LARP1B: variants seen among roughly 807,000 people sequenced by gnomAD.
The protein encoded by LARP1B is la-related protein 1B.
A neutral mutation model predicts 114.2 loss-of-function variants in LARP1B; 76 were observed. The ratio of observed to expected loss-of-function variants is 0.67; its 90% confidence interval spans 0.55 to 0.81. The LOEUF (loss-of-function observed/expected upper bound fraction) is 0.81, where lower values mean the gene tolerates loss of function less well. Among genes scored for constraint, LARP1B ranks in the 30% least tolerant of loss-of-function variants. The pLI is 0.00. For synonymous variants in LARP1B, 345 were observed against 348.0 expected (o/e 0.99, Z 0.10); for missense variants, 1,014 against 1,075.8 (o/e 0.94, Z 0.80).
In LARP1B at chr4:128,114,655, A is replaced by G; in HGVS notation, c.1074A>G (p.Arg358=). 1 of 1,613,954 alleles carries G rather than the reference A, an allele frequency of 6.2e-7. No homozygotes were observed. ...CAAGTATTCTTCAAGCAATGTCTAG[A>G]GGTTTGTCTACCAGTTTGCCTGACT... The part of the protein sequence containing the change: ...SETSILQAMS[R]GLSTSLPDLD... The change falls in exon 10 of 20, where the codon AGA becomes AGG. Residue 358 remains arginine (R), a synonymous_variant. Transcript: ENST00000326639.
At chr4:128,084,229 G>A (rs1251054332) in intron 5 of LARP1B, among the ~76,000 whole-genome samples, 2 of 152,150 alleles carry the variant, frequency 1.3e-5, no homozygotes, top group African/African-American at 2.4e-5. Flanking sequence ...GGTGGCGGCC[G>A]GGCAGAGGCT....
chr4:128,207,702 C>T (rs1757966651), intron 19 of LARP1B, among the ~76,000 whole-genome samples: 2 of 152,168 alleles, frequency 1.3e-5, no homozygotes, highest in Non-Finnish European at 2.9e-5. Context: ...AATGTGAAAA[C>T]TTTTCACTTT....
chr4:128,088,203 A>AATG (rs35874685), intron 5 of LARP1B, among the ~76,000 whole-genome samples: 18,023 of 150,882 alleles, frequency 0.12, 2,692 homozygotes, highest in African/African-American at 0.35. Flanking sequence ...AATCAATAAT[A>AATG]ATGATGATGA....
At chr4:128,088,445 T>G (rs1774556959) in intron 5 of LARP1B, among the ~76,000 whole-genome samples, 1 of 152,144 alleles carries the variant, frequency 6.6e-6, no homozygotes, top group Non-Finnish European at 1.5e-5. Flanking sequence ...TTAATGCATG[T>G]TGGTTGTATT....
intron 1 of LARP1B, among the ~76,000 whole-genome samples, chr4:128,072,501 T>G (rs573743939): frequency 1.3e-5 from 2 of 152,152 alleles, no homozygotes; most frequent in Non-Finnish European, 2.9e-5. Flanking sequence ...TGTTAAAACA[T>G]GAGAAAATGA....
downstream of LARP1B, among the ~76,000 whole-genome samples, chr4:128,212,826 A>G (rs533206116): frequency 6.5e-4 from 98 of 151,826 alleles, no homozygotes; most frequent in Middle Eastern, 6.9e-3. Flanking sequence ...TTTTATCAAC[A>G]TCTGCTTCCC....
intron 11 of LARP1B, chr4:128,122,555 T>A (rs1788368205): frequency 6.6e-7 from 1 of 1,522,256 alleles, no homozygotes; most frequent in African/African-American, 1.4e-5. Context: ...TTAATTTATA[T>A]GCTCATTGCT....
At chr4:128,164,057 T>C (rs575564656) in intron 12 of LARP1B, among the ~76,000 whole-genome samples, 139 of 152,242 alleles carry the variant, frequency 9.1e-4, no homozygotes, top group African/African-American at 3.2e-3. Context: ...TTTAAGATTA[T>C]AGGTTTTAAT....
At chr4:128,102,565 C>T (rs898259781) in intron 8 of LARP1B, among the ~76,000 whole-genome samples, 2 of 152,142 alleles carry the variant, frequency 1.3e-5, no homozygotes, top group Non-Finnish European at 1.5e-5. Context: ...AGCTGATACC[C>T]GTATCTGCCC....
chr4:128,203,341 CCCT>C (rs1337971021), intron 17 of LARP1B, among the ~76,000 whole-genome samples: 24 of 139,396 alleles, frequency 1.7e-4, no homozygotes, highest in African/African-American at 6.2e-4. Context: ...CTCCCTCCCT[CCCT>C]CTTTTCTTTT....
intron 11 of LARP1B, among the ~76,000 whole-genome samples, chr4:128,127,965 A>G (rs1021495076): frequency 2.0e-5 from 3 of 152,236 alleles, no homozygotes; most frequent in Non-Finnish European, 2.9e-5. Context: ...TTCAGAGCCC[A>G]GAAATAAACA....
At chr4:128,127,554 C>T (rs1790039992) in intron 11 of LARP1B, among the ~76,000 whole-genome samples, 1 of 152,168 alleles carries the variant, frequency 6.6e-6, no homozygotes, top group Non-Finnish European at 1.5e-5. Context: ...AAAATTACGG[C>T]CGGGCACGGT....
chr4:128,065,261 C>A (rs59460414), intron 1 of LARP1B, among the ~76,000 whole-genome samples: 6,297 of 83,756 alleles, frequency 0.075, 213 homozygotes, highest in South Asian at 0.11. Context: ...TAATTTCTTT[C>A]TTTCTTTCTT....
intron 11 of LARP1B, among the ~76,000 whole-genome samples, chr4:128,160,605 C>G (rs182442531): frequency 1.3e-5 from 2 of 152,148 alleles, no homozygotes; most frequent in Admixed American, 6.5e-5. Context: ...ACTTGTGTTT[C>G]CATCAGGGTA....
At chr4:128,207,099 T>C (rs1357394174) in intron 18 of LARP1B, among the ~76,000 whole-genome samples, 157 bp from the exon 19 acceptor site, 1 of 152,252 alleles carries the variant, frequency 6.6e-6, no homozygotes, top group Non-Finnish European at 1.5e-5. Flanking sequence ...AAATATTAGC[T>C]GCCATTATTG....
At chr4:128,081,848 C>T (rs1245773939) in intron 4 of LARP1B, among the ~76,000 whole-genome samples, 1 of 152,156 alleles carries the variant, frequency 6.6e-6, no homozygotes, top group African/African-American at 2.4e-5. Flanking sequence ...TATTCTCGTG[C>T]CTCAGCCTCC....
Position 128,077,795 on chromosome 4 carries a change from G to A in LARP1B, c.50G>A (p.Ser17Asn), listed in dbSNP as rs1768596874. The change falls in exon 4 of 20, where the codon AGC (serine) becomes AAC (asparagine). Residue 17 changes from serine to asparagine, a missense_variant. Ser to Asn is a conservative substitution (Grantham distance 46). Transcript: ENST00000326639. Reference sequence around the variant, plus strand: ...CTGAAAACCTTTTTGCAGTTTCAGAGCGTCCTCAGCCAAGGAAATAAAAAG... The same window carrying A: ...CTGAAAACCTTTTTGCAGTTTCAGAACGTCCTCAGCCAAGGAAATAAAAAG... The part of the protein sequence containing the change: ...PSELVNTGFQ[S>N]VLSQGNKKPQ... 3 of 1,565,578 alleles carry A rather than the reference G, an allele frequency of 1.9e-6. No homozygotes were observed. Among genetic ancestry groups the A allele is most frequent in the Non-Finnish European group, 2.6e-6 (3 of 1,161,768 alleles).
At chr4:128,073,598 T>G (rs1254415273) in intron 1 of LARP1B, among the ~76,000 whole-genome samples, 4 of 92,822 alleles carry the variant, frequency 4.3e-5, no homozygotes, top group African/African-American at 1.3e-4. Context: ...TTTTTTTTTT[T>G]TTTTTTTTTT....
chr4:128,153,292 CATTTATTTATTTATTT>C (rs36202530), intron 11 of LARP1B, among the ~76,000 whole-genome samples: 59,391 of 140,746 alleles, frequency 0.42, 13,266 homozygotes, highest in African/African-American at 0.56. Flanking sequence ...CTTGGTTTGC[CATTTATTTATTTATTT>C]ATTTATTTAT....
Sources: gnomAD v4.1 joint callset for allele counts (sites outside exome capture counted in the v4.1 genomes callset) on GRCh38, gnomAD v4.1.1 for gene constraint, MANE v1.5 for transcripts, NCBI Gene and HGNC (gene_info 2026-07-23, HGNC 2026-07-21) for gene names.